Variants in ZNF135 observed in about 807,000 individuals in gnomAD.
ZNF135 encodes zinc finger protein 135 (clone pHZ-17).
Under a neutral mutation model 12.3 loss-of-function variants are expected in ZNF135, and 11 were observed. The observed-to-expected ratio is 0.89, with a 90% CI of 0.56 to 1.48. The LOEUF (loss-of-function observed/expected upper bound fraction) is 1.48. Ranked by LOEUF, ZNF135 falls within the 40% of genes most tolerant of loss-of-function variation. ZNF135 has a pLI of 0.00. For missense variants in ZNF135, 722 were observed against 815.7 expected (o/e 0.89, Z 1.40); for synonymous variants, 316 against 312.0 (o/e 1.01, Z -0.14).
chr19:58,062,445 C>T (rs2073997191), intron 3 of ZNF135, among the ~76,000 whole-genome samples: 1 of 152,096 alleles, frequency 6.6e-6, no homozygotes, highest in Non-Finnish European at 1.5e-5. Context: ...TGCAGTGGTG[C>T]GATCTCGGCT....
chr19:58,067,545 A>G lies in ZNF135; in HGVS notation c.1061A>G (p.Tyr354Cys), dbSNP rs1167858622. 2 of 1,613,816 alleles carry G rather than the reference A, an allele frequency of 1.2e-6. No homozygotes were observed. Among genetic ancestry groups the G allele is most frequent in the South Asian group, 1.1e-5 (1 of 91,076 alleles). ...CGAATCCACACTGGGGAGAAACCCT[A>G]TCAGTGTGGTGAGTGTGGCAAGGCC... The part of the protein sequence containing the change: ...HLRIHTGEKP[Y>C]QCGECGKAFS... Residue 354 changes from tyrosine to cysteine, a missense_variant, in exon 5 of 5, where the codon TAT becomes TGT. Transcript: ENST00000313434.
At chr19:58,064,335 A>G (rs770357205) in intron 4 of ZNF135, among the ~76,000 whole-genome samples, 5 of 152,088 alleles carry the variant, frequency 3.3e-5, no homozygotes, top group Non-Finnish European at 5.9e-5. Flanking sequence ...CGTGAATAAC[A>G]TGGGTTTGAA....
chr19:58,068,362 G>T lies in ZNF135; in HGVS notation c.1878G>T (p.Arg626Ser). ...GCACCCACCTCACTCAGCACCGGAGGATCCACACAGGAGAGAAGCCATATG... is the reference window on the plus strand; with the variant it reads ...GCACCCACCTCACTCAGCACCGGAGTATCCACACAGGAGAGAAGCCATATG... ...RQSTHLTQHR[R>S]IHTGEKPYAC... is the part of the protein sequence containing the mutation. The change falls in exon 5 of 5, where the codon AGG (arginine) becomes AGT (serine). Residue 626 changes from arginine to serine, a missense_variant. Arg to Ser is a moderately radical substitution (Grantham distance 110, BLOSUM62 -1). Coordinates refer to ENST00000313434, the MANE Select transcript of ZNF135 (RefSeq NM_001289401.2). 6.2e-7 allele frequency: 1 copy of T among 1,613,924 alleles called. No homozygotes were observed. Among genetic ancestry groups the T allele is most frequent in the Non-Finnish European group, 8.5e-7 (1 of 1,179,960 alleles).
chr19:58,063,306 C>T lies in ZNF135; in HGVS notation c.161-140C>T. The T allele has an allele frequency of 2.2e-6, 3 of 1,393,614 alleles. No homozygotes were observed. Among genetic ancestry groups the T allele is most frequent in the Non-Finnish European group, 2.9e-6 (3 of 1,035,926 alleles). 86.3% of individuals were successfully genotyped at this position (1,393,614 alleles called of 1,614,324 possible). On this transcript the variant is annotated intron_variant, in intron 3 of 4. Coordinates refer to ENST00000313434, the MANE Select transcript of ZNF135 (RefSeq NM_001289401.2). This position sits in a 1 kb window ranked among gnomAD's most constrained non-coding sequence, Gnocchi z 4.4. ...GGGGAATGAGTCCCTGAGGAACATCCAGGGCTGTGGGTATGACAGCTGAAG... is the reference window on the plus strand; with the variant it reads ...GGGGAATGAGTCCCTGAGGAACATCTAGGGCTGTGGGTATGACAGCTGAAG...
Position 58,067,255 on chromosome 19 carries a change from T to TA in ZNF135, c.772dup (p.Thr258AsnfsTer14). 6.2e-7 allele frequency: 1 copy of TA among 1,614,098 alleles called. No homozygotes were observed. Among genetic ancestry groups the TA allele is most frequent in the Non-Finnish European group, 8.5e-7 (1 of 1,180,026 alleles). On this transcript the variant is annotated frameshift_variant, in exon 5 of 5. Transcript: ENST00000313434. LOFTEE classifies it low-confidence loss of function (END_TRUNC). Reference sequence around the variant, plus strand: ...AAGGCTTCCGGAACAGCTCGGCACTTACCAAACACCAGAGAATCCATACTG... The same window carrying TA: ...AAGGCTTCCGGAACAGCTCGGCACTTAACCAAACACCAGAGAATCCATACTG...
In ZNF135 at chr19:58,066,741, A is replaced by G. The variant is rs368875569; in HGVS notation, c.257A>G (p.Asp86Gly). ...ESRLPQGVYP[D>G]LETRPKVKLS... ...CATTTCCAGTTTTTGCTTCTTTCAG[A>G]CTTGGAAACTAGACCCAAAGTCAAA... Residue 86 changes from aspartate (D) to glycine (G), a missense_variant and splice_region_variant, in exon 5 of 5, where the codon GAC becomes GGC. Asp to Gly is a moderately conservative substitution (Grantham distance 94, BLOSUM62 -1). Transcript: ENST00000313434. The G allele has an allele frequency of 1.7e-5, 28 of 1,613,538 alleles. No homozygotes were observed. Among genetic ancestry groups the G allele is most frequent in the Non-Finnish European group, 2.4e-5 (28 of 1,179,740 alleles).
Position 58,061,649 on chromosome 19 carries a change from C to T in ZNF135, c.103C>T (p.Gln35Ter), listed in dbSNP as rs2073983800. 1 of 1,613,508 alleles carries T rather than the reference C, an allele frequency of 6.2e-7. No individual in the cohort carries two copies. Among genetic ancestry groups the T allele is most frequent in the Non-Finnish European group, 8.5e-7 (1 of 1,179,804 alleles). ...GGAGTGGGGGCAGCTGAAGCCTGCC[C>T]AGAGGACCCTGTACCGTGATGTAAT... ...QEEWGQLKPA[Q>*]RTLYRDVMLD... Residue 35 changes from glutamine to a stop codon, truncating the protein, a stop_gained, in exon 3 of 5, where the codon CAG (glutamine) becomes TAG (stop). Transcript: ENST00000313434. LOFTEE classifies it high-confidence loss of function.
chr19:58,067,997 C>T lies in ZNF135; in HGVS notation c.1513C>T (p.His505Tyr), dbSNP rs755806293. The T allele has an allele frequency of 1.2e-6, 2 of 1,614,038 alleles. No homozygotes were observed. The highest frequency in any genetic ancestry group is 4.5e-5 in the East Asian group (2 of 44,850). The change falls in exon 5 of 5, where the codon CAC becomes TAC. Residue 505 changes from histidine (H) to tyrosine (Y), a missense_variant. Transcript: ENST00000313434. Reference sequence around the variant, plus strand: ...CAATGACTGCGGCAAGGCATTCAGTCACAGCTCGTCCCTCACCAAACATCA... The same window carrying T: ...CAATGACTGCGGCAAGGCATTCAGTTACAGCTCGTCCCTCACCAAACATCA... ...ECNDCGKAFS[H>Y]SSSLTKHQRI...
At position 58,059,402 on chromosome 19, in the gene ZNF135, G is replaced by A. The variant is rs1445961976; in HGVS notation, c.-35+92G>A. 3 of 949,570 alleles carry A rather than the reference G, an allele frequency of 3.2e-6. No homozygotes were observed. The highest frequency in any genetic ancestry group is 4.4e-6 in the Non-Finnish European group (3 of 689,206). The allele number at this position is 949,570 out of a possible 1,614,324, so 58.8% of individuals were successfully genotyped here. A position where few individuals can be genotyped will look rare whatever the true frequency, so the allele number is the denominator to read the frequency against. ...GTCCGGGGATCTTCCTGAGGCCCTG[G>A]CGGGGCGAGTTTCCAGCAGCGCGCG... On this transcript the variant is annotated intron_variant, in intron 1 of 4. Transcript: ENST00000313434. The surrounding 1 kb of genome is among the most constrained non-coding windows in gnomAD (Gnocchi z 6.5).
Position 58,068,021 on chromosome 19 carries a change from C to G in ZNF135, c.1537C>G (p.Gln513Glu). ...FSHSSSLTKH[Q>E]RIHTGEKPYE... Reference sequence around the variant, plus strand: ...TCACAGCTCGTCCCTCACCAAACATCAGCGAATCCACACTGGGGAGAAGCC... The same window carrying G: ...TCACAGCTCGTCCCTCACCAAACATGAGCGAATCCACACTGGGGAGAAGCC... Residue 513 changes from glutamine to glutamate, a missense_variant, in exon 5 of 5, where the codon CAG (glutamine) becomes GAG (glutamate). By Grantham distance (29) the Gln-to-Glu change is conservative. Coordinates refer to ENST00000313434, the MANE Select transcript of ZNF135 (RefSeq NM_001289401.2). 6.2e-7 allele frequency: 1 copy of G among 1,614,086 alleles called. No individual in the cohort carries two copies. Among genetic ancestry groups the G allele is most frequent in the Non-Finnish European group, 8.5e-7 (1 of 1,180,014 alleles).
In ZNF135 at chr19:58,060,201, C is replaced by T. The variant is rs2073948928; in HGVS notation, c.33+166C>T. On this transcript the variant is annotated intron_variant, in intron 2 of 4. Transcript: ENST00000313434. This position sits in a 1 kb window ranked among gnomAD's most constrained non-coding sequence, Gnocchi z 4.9. Reference sequence around the variant, plus strand: ...GTGCCCGGCCCCTACTCGTGCCCGGCCTCTACTCGCACAACTGGCCTCTAC... The same window carrying T: ...GTGCCCGGCCCCTACTCGTGCCCGGTCTCTACTCGCACAACTGGCCTCTAC... 1 of 1,471,226 alleles carries T rather than the reference C, an allele frequency of 6.8e-7. No homozygotes were observed. Among genetic ancestry groups the T allele is most frequent in the South Asian group, 1.3e-5 (1 of 75,104 alleles). The allele number at this position is 1,471,226 out of a possible 1,614,324, so 91.1% of individuals were successfully genotyped here. A position where few individuals can be genotyped will look rare whatever the true frequency, so the allele number is the denominator to read the frequency against.
rs1191505914 is a variant in ZNF135 at position 58,067,652 on chromosome 19, G to A, written c.1168G>A (p.Ala390Thr). ...CTACGAGTGCCATGAGTGTGGAAAA[G>A]CCTTCACCCAGATCACACCACTGAT... Reference protein sequence around the residue: ...KPYECHECGKAFTQITPLIQH... With the variant: ...KPYECHECGKTFTQITPLIQH... The change falls in exon 5 of 5, where the codon GCC becomes ACC. Residue 390 changes from alanine (A) to threonine (T), a missense_variant. By Grantham distance (58) the Ala-to-Thr change is moderately conservative. Transcript: ENST00000313434. The A allele has an allele frequency of 1.2e-6, 2 of 1,613,356 alleles. No individual in the cohort carries two copies. The highest frequency in any genetic ancestry group is 1.1e-5 in the South Asian group (1 of 91,048).
At position 58,066,732 on chromosome 19, in the gene ZNF135, T is replaced by C; in HGVS notation, c.257-9T>C. 5.6e-6 allele frequency: 9 copies of C among 1,613,258 alleles called. No homozygotes were observed. Among genetic ancestry groups the C allele is most frequent in the Non-Finnish European group, 7.6e-6 (9 of 1,179,418 alleles). On this transcript the variant is annotated splice_polypyrimidine_tract_variant and intron_variant, in intron 4 of 4. Transcript: ENST00000313434. ...ATTAAGGGACATTTCCAGTTTTTGCTTCTTTCAGACTTGGAAACTAGACCC... is the reference window on the plus strand; with the variant it reads ...ATTAAGGGACATTTCCAGTTTTTGCCTCTTTCAGACTTGGAAACTAGACCC...
Position 58,059,419 on chromosome 19 carries a change from C to A in ZNF135, c.-35+109C>A. 1 of 1,007,534 alleles carries A rather than the reference C, an allele frequency of 9.9e-7. No individual in the cohort carries two copies. The highest frequency in any genetic ancestry group is 1.3e-6 in the Non-Finnish European group (1 of 741,050). 62.4% of individuals were successfully genotyped at this position (1,007,534 alleles called of 1,614,324 possible). On this transcript the variant is annotated intron_variant, in intron 1 of 4. Coordinates refer to ENST00000313434, the MANE Select transcript of ZNF135 (RefSeq NM_001289401.2). This position sits in a 1 kb window ranked among gnomAD's most constrained non-coding sequence, Gnocchi z 6.5. Reference sequence around the variant, plus strand: ...AGGCCCTGGCGGGGCGAGTTTCCAGCAGCGCGCGTCTGTGTGGAGTCCGTT... The same window carrying A: ...AGGCCCTGGCGGGGCGAGTTTCCAGAAGCGCGCGTCTGTGTGGAGTCCGTT...
rs754158207 is a variant in ZNF135 at position 58,068,479 on chromosome 19, T to C, written c.*18T>C. The C allele has an allele frequency of 2.5e-6, 4 of 1,609,676 alleles. No homozygotes were observed. Among genetic ancestry groups the C allele is most frequent in the East Asian group, 4.5e-5 (2 of 44,822 alleles). On this transcript the variant is annotated 3_prime_UTR_variant, in exon 5 of 5. Coordinates refer to ENST00000313434, the MANE Select transcript of ZNF135 (RefSeq NM_001289401.2). The stretch of plus-strand genomic sequence containing the variant: ...CTGGATAAACCCACTCCACATGTGC[T>C]GGGGACATAGGAAGACCTTAAGCCA...
In ZNF135 at chr19:58,069,052, G is replaced by C. The variant is rs2074126553; in HGVS notation, c.*591G>C. 1 of 156,204 alleles carries C rather than the reference G, an allele frequency of 6.4e-6. No homozygotes were observed. Among genetic ancestry groups the C allele is most frequent in the African/African-American group, 2.4e-5 (1 of 41,442 alleles). The allele number at this position is 156,204 out of a possible 1,614,324, so 9.7% of individuals were successfully genotyped here. A position where few individuals can be genotyped will look rare whatever the true frequency, so the allele number is the denominator to read the frequency against. ...TGGATACTGACTGTCTCAGTAAACA[G>C]CTGTCTTGTCTGTGTGTATATTGTT... On this transcript the variant is annotated 3_prime_UTR_variant, in exon 5 of 5. Coordinates refer to ENST00000313434, the MANE Select transcript of ZNF135 (RefSeq NM_001289401.2).
At position 58,065,752 on chromosome 19, in the gene ZNF135, T is replaced by C. The variant is rs1173905662; in HGVS notation, c.257-989T>C. On this transcript the variant is annotated intron_variant, in intron 4 of 4. Transcript: ENST00000313434. This position sits in a 1 kb window ranked among gnomAD's most constrained non-coding sequence, Gnocchi z 4.0. ...CCTCCCTCCCATGTAATTGGAAACATACAGGTTATAGGGTTAGGATGTGGG... is the reference window on the plus strand; with the variant it reads ...CCTCCCTCCCATGTAATTGGAAACACACAGGTTATAGGGTTAGGATGTGGG... Among the ~76,000 whole-genome samples the C allele has an allele frequency of 3.3e-5, 5 of 152,198 alleles. No homozygotes were observed. Among genetic ancestry groups the C allele is most frequent in the Non-Finnish European group, 4.4e-5 (3 of 68,036 alleles).
rs1479027349 is a variant in ZNF135, at chr19:58,059,754, C to T, written c.-34-215C>T. ...TGCGCAGCAGATATGTGTCCGCACC[C>T]GCCAGGCCTTCAGCTTCCCTCAGAC... On this transcript the variant is annotated intron_variant, in intron 1 of 4. Transcript: ENST00000313434. This position sits in a 1 kb window ranked among gnomAD's most constrained non-coding sequence, Gnocchi z 6.5. 4.9e-6 allele frequency: 3 copies of T among 610,824 alleles called. No homozygotes were observed. The highest frequency in any genetic ancestry group is 3.0e-5 in the Admixed American group (1 of 32,962). 37.8% of individuals were successfully genotyped at this position (610,824 alleles called of 1,614,324 possible).
rs1021330118 is a variant in ZNF135, at chr19:58,069,365, G to T, written c.*904G>T. Reference sequence around the variant, plus strand: ...TTACAAAAAGGGAGATTTTTCCTTTGTTAAACCATCGTCTTATAAGCAATA... The same window carrying T: ...TTACAAAAAGGGAGATTTTTCCTTTTTTAAACCATCGTCTTATAAGCAATA... On this transcript the variant is annotated 3_prime_UTR_variant, in exon 5 of 5. Coordinates refer to ENST00000313434, the MANE Select transcript of ZNF135 (RefSeq NM_001289401.2). 7 of 152,114 alleles carry T rather than the reference G, an allele frequency of 4.6e-5. No individual in the cohort carries two copies. The highest frequency in any genetic ancestry group is 2.0e-4 in the Admixed American group (3 of 15,266). 9.4% of individuals were successfully genotyped at this position (152,114 alleles called of 1,614,324 possible).
Sources: allele counts gnomAD v4.1 joint callset (sites outside exome capture counted in the v4.1 genomes callset), GRCh38; gene constraint gnomAD v4.1.1; non-coding constraint Gnocchi (gnomAD v3.1); transcripts MANE v1.5; gene names NCBI Gene and HGNC (gene_info 2026-07-23, HGNC 2026-07-21).